CACNA1G: variants seen among roughly 807,000 people sequenced by gnomAD.
The protein encoded by CACNA1G is calcium voltage-gated channel subunit alpha1 G.
In CACNA1G, 67 loss-of-function variants were observed where a neutral mutation model predicts 219.4. The observed-to-expected ratio is 0.31, with a 90% CI of 0.25 to 0.37. The LOEUF is 0.37. Among genes scored for constraint, CACNA1G ranks in the 10% least tolerant of loss-of-function variants. The pLI is 1.00. For missense variants in CACNA1G, 2,380 were observed against 3,231.4 expected, an observed-to-expected ratio of 0.74 and a Z score of 6.39; for synonymous variants, 1,296 against 1,345.3, an observed-to-expected ratio of 0.96 and a Z score of 0.80.
At chr17:50,606,631 G>C (rs904480222) in intron 23 of CACNA1G, among the ~76,000 whole-genome samples, 30 of 152,322 alleles carry the variant, frequency 2.0e-4, no homozygotes, top group African/African-American at 7.0e-4. Context: ...CTCTGGTTTT[G>C]GTTTCTGGAT....
Position 50,571,869 on chromosome 17 carries a change from C to T in CACNA1G, c.587-9C>T, listed in dbSNP as rs1459936223. The T allele has an allele frequency of 6.2e-7, 1 of 1,612,990 alleles. No homozygotes were observed. The highest frequency in any genetic ancestry group is 8.5e-7 in the Non-Finnish European group (1 of 1,179,748). ...CCTGGTGTCCCCAGCGTGGCTTCTGCCCCCACAGGCATGCGCATCCTTGTC... is the reference window on the plus strand; with the variant it reads ...CCTGGTGTCCCCAGCGTGGCTTCTGTCCCCACAGGCATGCGCATCCTTGTC... On this transcript the variant is annotated splice_polypyrimidine_tract_variant and intron_variant, in intron 4 of 37. Coordinates refer to ENST00000359106, the MANE Select transcript of CACNA1G (RefSeq NM_018896.5). This position sits in a 1 kb window ranked among gnomAD's most constrained non-coding sequence, Gnocchi z 4.3.
chr17:50,591,387 GGA>G, intron 10 of CACNA1G, 46 bp from the exon 11 acceptor site: 1 of 1,468,614 alleles, frequency 6.8e-7, no homozygotes. Flanking sequence ...GGGAGTAGGG[GGA>G]GAGGGTGAAG....
In CACNA1G at chr17:50,617,795, A is replaced by G. The variant is rs1442349857; in HGVS notation, c.5156-64A>G. 1 of 1,579,258 alleles carries G rather than the reference A, an allele frequency of 6.3e-7. No individual in the cohort carries two copies. The highest frequency in any genetic ancestry group is 8.7e-7 in the Non-Finnish European group (1 of 1,154,452). ...CAGCCCCAGCCCAGCCCTGGTCCTG[A>G]CTCTGCCAGCTGTCTGGCCGGGGAC... On this transcript the variant is annotated intron_variant, in intron 29 of 37. Coordinates refer to ENST00000359106, the MANE Select transcript of CACNA1G (RefSeq NM_018896.5). The surrounding 1 kb of genome is among the most constrained non-coding windows in gnomAD (Gnocchi z 5.8).
intron 26 of CACNA1G, 22 bp from the exon 27 acceptor site, chr17:50,615,339 G>C (rs376223488): frequency 6.3e-5 from 99 of 1,564,498 alleles, no homozygotes; most frequent in Admixed American, 1.4e-4. Flanking sequence ...CGCTTGCTCT[G>C]CTCTTCCCCC....
At chr17:50,609,026 C>G (rs1319405072) in intron 25 of CACNA1G, among the ~76,000 whole-genome samples, 1 of 152,172 alleles carries the variant, frequency 6.6e-6, no homozygotes, top group African/African-American at 2.4e-5. Flanking sequence ...TTCCCATGCT[C>G]TCTTCACCTT....
rs1279525206 is a variant in CACNA1G at position 50,618,360 on chromosome 17, G to A, written c.5427+17G>A. The A allele has an allele frequency of 7.5e-6, 12 of 1,609,200 alleles. No individual in the cohort carries two copies. The highest frequency in any genetic ancestry group is 9.4e-6 in the Non-Finnish European group (11 of 1,176,358). Reference sequence around the variant, plus strand: ...ATTATGAAGGTAAGGGCCCAGGGTTGGCCTAGGCTCCAGGGAGGCAGCCCC... The same window carrying A: ...ATTATGAAGGTAAGGGCCCAGGGTTAGCCTAGGCTCCAGGGAGGCAGCCCC... On this transcript the variant is annotated intron_variant, in intron 32 of 37. Coordinates refer to ENST00000359106, the MANE Select transcript of CACNA1G (RefSeq NM_018896.5). The surrounding 1 kb of genome is among the most constrained non-coding windows in gnomAD (Gnocchi z 5.3).
intron 16 of CACNA1G, among the ~76,000 whole-genome samples, chr17:50,597,513 A>T (rs925948450): frequency 4.1e-4 from 62 of 152,284 alleles, no homozygotes; most frequent in African/African-American, 1.4e-3. Context: ...TTAATTGACA[A>T]ATACTAATTG....
intron 27 of CACNA1G, 27 bp downstream of exon 27, chr17:50,615,539 GC>G (rs759895411): frequency 1.0e-4 from 162 of 1,603,736 alleles, no homozygotes; most frequent in Non-Finnish European, 1.2e-4. Flanking sequence ...CAGCCATCTG[GC>G]CCCCCCACCT....
At chr17:50,576,458 C>CTCATGG (rs2040683142) in intron 8 of CACNA1G, 132 bp downstream of exon 8, 1 of 861,126 alleles carries the variant, frequency 1.2e-6, no homozygotes, top group Admixed American at 2.2e-5. Context: ...GGCTTAGGCA[C>CTCATGG]CTTCAACCAG....
Position 50,618,730 on chromosome 17 carries a change from G to C in CACNA1G, c.5503G>C (p.Val1835Leu). 1 of 1,613,926 alleles carries C rather than the reference G, an allele frequency of 6.2e-7. No individual in the cohort carries two copies. The highest frequency in any genetic ancestry group is 8.5e-7 in the Non-Finnish European group (1 of 1,179,892). The change falls in exon 33 of 38, where the codon GTG becomes CTG. Residue 1835 changes from valine to leucine, a missense_variant. By Grantham distance (32) the Val-to-Leu change is conservative. Around this residue, in one of 17 missense-constraint regions of CACNA1G, gnomAD observed 33 missense variants for 70.2 expected, o/e 0.47. Transcript: ENST00000359106. The surrounding 1 kb of genome is among the most constrained non-coding windows in gnomAD (Gnocchi z 5.3). ...CTCGCCTATCTACTTTGTGTCCTTCGTGCTGACGGCCCAGTTCGTGCTAGT... is the reference window on the plus strand; with the variant it reads ...CTCGCCTATCTACTTTGTGTCCTTCCTGCTGACGGCCCAGTTCGTGCTAGT... ...VISPIYFVSF[V>L]LTAQFVLVNV...
chr17:50,589,732 A>G (rs913095535), intron 9 of CACNA1G, among the ~76,000 whole-genome samples: 5 of 152,132 alleles, frequency 3.3e-5, no homozygotes, highest in Non-Finnish European at 5.9e-5. Flanking sequence ...AATCTTGCTG[A>G]AGGTCACAGA....
chr17:50,569,413 C>A, intron 3 of CACNA1G, 115 bp downstream of exon 3: 1 of 1,129,862 alleles, frequency 8.9e-7, no homozygotes. Flanking sequence ...CCACTTTCTC[C>A]CTGGCTATCT....
chr17:50,606,476 G>A (rs1462148977), intron 23 of CACNA1G: 1 of 583,004 alleles, frequency 1.7e-6, no homozygotes, highest in African/African-American at 1.9e-5. Context: ...TCACAATAAG[G>A]ATGCAATGAG....
Position 50,573,010 on chromosome 17 carries a change from G to A in CACNA1G, c.1048-11G>A. 2.5e-6 allele frequency: 4 copies of A among 1,575,078 alleles called. No homozygotes were observed. Among genetic ancestry groups the A allele is most frequent in the Admixed American group, 1.9e-5 (1 of 53,838 alleles). Reference sequence around the variant, plus strand: ...GGGCCCATAGTCAGCCTGCCCCTCTGCACCCCCTAGGTCATCACGCTGGAG... The same window carrying A: ...GGGCCCATAGTCAGCCTGCCCCTCTACACCCCCTAGGTCATCACGCTGGAG... On this transcript the variant is annotated splice_polypyrimidine_tract_variant and intron_variant, in intron 6 of 37. Transcript: ENST00000359106.
At chr17:50,609,614 G>C (rs2048748746) in intron 25 of CACNA1G, among the ~76,000 whole-genome samples, 1 of 152,208 alleles carries the variant, frequency 6.6e-6, no homozygotes, top group South Asian at 2.1e-4. Context: ...CGCAGGAGAA[G>C]CGGACATCTG....
intron 9 of CACNA1G, among the ~76,000 whole-genome samples, chr17:50,586,608 C>T (rs540711728): frequency 7.2e-5 from 11 of 152,324 alleles, no homozygotes; most frequent in Middle Eastern, 3.4e-3. Context: ...GGGTTTCTCA[C>T]AGCCTTTCAC....
chr17:50,617,600 C>T lies in CACNA1G; in HGVS notation c.5155+29C>T, dbSNP rs748243788. On this transcript the variant is annotated intron_variant, in intron 29 of 37. Transcript: ENST00000359106. This position sits in a 1 kb window ranked among gnomAD's most constrained non-coding sequence, Gnocchi z 5.8. ...GGTGCCCAGCCCACGCACCTGCCCTCCTAGGGTGACCAGCCCAGGGAGAGA... is the reference window on the plus strand; with the variant it reads ...GGTGCCCAGCCCACGCACCTGCCCTTCTAGGGTGACCAGCCCAGGGAGAGA... The T allele has an allele frequency of 1.9e-6, 3 of 1,608,838 alleles. No homozygotes were observed. The highest frequency in any genetic ancestry group is 2.5e-6 in the Non-Finnish European group (3 of 1,176,608).
At position 50,621,891 on chromosome 17, in the gene CACNA1G, C is replaced by A; in HGVS notation, c.6060+97C>A. 1 of 1,368,112 alleles carries A rather than the reference C, an allele frequency of 7.3e-7. No individual in the cohort carries two copies. Among genetic ancestry groups the A allele is most frequent in the East Asian group, 2.3e-5 (1 of 42,676 alleles). 84.7% of individuals were successfully genotyped at this position (1,368,112 alleles called of 1,614,324 possible). A position where few individuals can be genotyped will look rare whatever the true frequency, so the allele number is the denominator to read the frequency against. On this transcript the variant is annotated intron_variant, in intron 35 of 37. Transcript: ENST00000359106. The surrounding 1 kb of genome is among the most constrained non-coding windows in gnomAD (Gnocchi z 4.6). ...CCAGGGAGGGTCCTGGGGCCGCCTC[C>A]TCTCAGTTTGCTGCCAGGCTCCACC...
In CACNA1G at chr17:50,602,804, C is replaced by A; in HGVS notation, c.3916-16C>A. ...GGGCTTCCTGGCGGGCAACCCCTGC[C>A]TCCCCTCTCTTGCAGGAACGCATCT... On this transcript the variant is annotated splice_polypyrimidine_tract_variant and intron_variant, in intron 19 of 37. Coordinates refer to ENST00000359106, the MANE Select transcript of CACNA1G (RefSeq NM_018896.5). 1 of 1,613,110 alleles carries A rather than the reference C, an allele frequency of 6.2e-7. No homozygotes were observed. The highest frequency in any genetic ancestry group is 8.5e-7 in the Non-Finnish European group (1 of 1,179,438).
Sources: gnomAD v4.1 joint callset for allele counts (sites outside exome capture counted in the v4.1 genomes callset) on GRCh38, gnomAD v4.1.1 for gene constraint, gnomAD v4.1.1 regional missense constraint, Gnocchi (gnomAD v3.1) non-coding constraint, MANE v1.5 for transcripts, NCBI Gene and HGNC (gene_info 2026-07-23, HGNC 2026-07-21) for gene names.